Variants in KIAA1217 observed in about 807,000 individuals in gnomAD.
KIAA1217 encodes the protein sickle tail protein homolog.
In KIAA1217, 88 loss-of-function variants were observed where a neutral mutation model predicts 163.9. That is an observed-to-expected ratio of 0.54 (90% CI 0.45 to 0.64). The LOEUF is 0.64. KIAA1217 is among the 30% of genes least tolerant of loss of function. The probability of loss-of-function intolerance (pLI) is 0.00; values close to 1 mark genes in which losing one functional copy is unlikely to be tolerated. For missense variants in KIAA1217, 2,372 were observed against 2,475.0 expected (o/e 0.96, Z 0.88); for synonymous variants, 903 against 923.1 (o/e 0.98, Z 0.39).
intron 8 of KIAA1217, among the ~76,000 whole-genome samples, chr10:24,500,703 A>G (rs1287519868): frequency 1.3e-5 from 2 of 152,234 alleles, no homozygotes; most frequent in Non-Finnish European, 2.9e-5. Context: ...AAATAGGCAC[A>G]TAAGCACTCT....
chr10:24,316,880 G>C (rs1384550298), intron 2 of KIAA1217, among the ~76,000 whole-genome samples: 1 of 152,164 alleles, frequency 6.6e-6, no homozygotes, highest in African/African-American at 2.4e-5. Flanking sequence ...TTTTCTGAAG[G>C]CTTTGAATGG....
intron 2 of KIAA1217, among the ~76,000 whole-genome samples, chr10:24,142,205 A>G (rs1239483161): frequency 6.6e-6 from 1 of 152,222 alleles, no homozygotes; most frequent in Non-Finnish European, 1.5e-5. Flanking sequence ...TTACAATTGA[A>G]AAAAAGTGGA....
intron 2 of KIAA1217, among the ~76,000 whole-genome samples, chr10:24,335,665 A>G (rs1040194883): frequency 5.3e-5 from 8 of 149,932 alleles, no homozygotes; most frequent in Admixed American, 1.3e-4. Context: ...GCTGGAGTGC[A>G]GTGGCAAGAT....
In KIAA1217 at chr10:24,032,848, T is replaced by G. The variant is rs183719510; in HGVS notation, c.-171+25474T>G. On this transcript the variant is annotated intron_variant, in intron 2 of 18. Transcript: ENST00000376462. ...AAATAGCTTATTTTTACCTCAGGAT[T>G]CTACTCTCAAATATAAAATTTTAAC... Among the ~76,000 whole-genome samples, 193 of 152,294 alleles carry G rather than the reference T, an allele frequency of 1.3e-3. 3 individuals are homozygous for G. The Middle Eastern group carries it at 0.014, about 11-fold the overall frequency.
At chr10:23,894,243 A>G (rs1172430343) in intron 1 of KIAA1217, among the ~76,000 whole-genome samples, 4 of 151,650 alleles carry the variant, frequency 2.6e-5, no homozygotes, top group African/African-American at 4.8e-5. Flanking sequence ...AGAAAACCCC[A>G]TTGTCTCAGC....
chr10:24,080,064 T>C (rs2061490582), intron 2 of KIAA1217, among the ~76,000 whole-genome samples: 1 of 152,244 alleles, frequency 6.6e-6, no homozygotes, highest in African/African-American at 2.4e-5. Flanking sequence ...TCTTCCGGCC[T>C]GTGTCCTGTG....
intron 1 of KIAA1217, among the ~76,000 whole-genome samples, chr10:23,701,042 A>G (rs1836417216): frequency 6.6e-6 from 1 of 152,248 alleles, no homozygotes; most frequent in Admixed American, 6.5e-5. Flanking sequence ...CCTATATCAT[A>G]GAGTCTTGTT....
At chr10:24,532,035 G>C in intron 15 of KIAA1217, 42 bp downstream of exon 15, 1 of 1,439,716 alleles carries the variant, frequency 6.9e-7, no homozygotes. Flanking sequence ...TCTGGGTTCA[G>C]ATGATACCCT....
At chr10:24,468,959 G>T (rs1194862076) in intron 5 of KIAA1217, among the ~76,000 whole-genome samples, 6 of 152,020 alleles carry the variant, frequency 3.9e-5, no homozygotes, top group Admixed American at 3.3e-4. Flanking sequence ...TTTTTTGCAT[G>T]TCACCAAGCA....
In KIAA1217 at chr10:24,046,786, T is replaced by C. The variant is rs111464234; in HGVS notation, c.-171+39412T>C. ...AGAGTTTTGAGTTATTTTCCCAAGA[T>C]GATGCAGACAATAAGAAGTAGAGCC... On this transcript the variant is annotated intron_variant, in intron 2 of 18. Coordinates refer to the KIAA1217 transcript ENST00000376462. Among the ~76,000 whole-genome samples, 639 of 152,326 alleles carry C rather than the reference T, an allele frequency of 4.2e-3. 4 individuals carry two copies. Among genetic ancestry groups the C allele is most frequent in the African/African-American group, 0.013 (555 of 41,576 alleles).
chr10:24,117,407 G>C (rs1053022330), intron 2 of KIAA1217, among the ~76,000 whole-genome samples: 5 of 152,078 alleles, frequency 3.3e-5, no homozygotes, highest in Non-Finnish European at 5.9e-5. Flanking sequence ...TGGAGAGTCA[G>C]TGTGGGAGGA....
At chr10:24,048,790 T>C (rs1849253232) in intron 2 of KIAA1217, among the ~76,000 whole-genome samples, 1 of 151,414 alleles carries the variant, frequency 6.6e-6, no homozygotes. Context: ...CCCAGCACTT[T>C]GGGCGGCCGA....
chr10:23,794,538 G>A (rs1482113552), intron 1 of KIAA1217, among the ~76,000 whole-genome samples: 1 of 152,194 alleles, frequency 6.6e-6, no homozygotes, highest in African/African-American at 2.4e-5. Flanking sequence ...CAAAATTGCA[G>A]TTATCTCTTT....
intron 2 of KIAA1217, among the ~76,000 whole-genome samples, chr10:24,301,641 T>C (rs551957174): frequency 6.6e-5 from 10 of 152,332 alleles, no homozygotes; most frequent in African/African-American, 2.2e-4. Context: ...TTTTCCTTTT[T>C]CTGGATTCCA....
At chr10:23,711,324 A>T (rs895729222) in intron 1 of KIAA1217, among the ~76,000 whole-genome samples, 1 of 152,170 alleles carries the variant, frequency 6.6e-6, no homozygotes, top group African/African-American at 2.4e-5. Context: ...AATGCCTTTG[A>T]TTATCTAGGT....
rs78374720 is a variant in KIAA1217, at chr10:24,546,078, G to T, written c.5586G>T (p.Leu1862Phe). ...SLIPSVSNGS[L>F]KFQSLTHTGK... Reference sequence around the variant, plus strand: ...TCCCTTCTGTCTCTAATGGCTCTTTGAAGTTTCAGAGCCTCACTCATACAG... The same window carrying T: ...TCCCTTCTGTCTCTAATGGCTCTTTTAAGTTTCAGAGCCTCACTCATACAG... Residue 1862 changes from leucine (L) to phenylalanine (F), a missense_variant, in exon 21 of 21, where the codon TTG becomes TTT. By Grantham distance (22) the Leu-to-Phe change is conservative (BLOSUM62 0). Coordinates refer to ENST00000376454, the MANE Select transcript of KIAA1217 (RefSeq NM_019590.5). 6.2e-7 allele frequency: 1 copy of T among 1,614,144 alleles called. No homozygotes were observed. The highest frequency in any genetic ancestry group is 1.1e-5 in the South Asian group (1 of 91,080).
In KIAA1217 at chr10:24,121,126, T is replaced by A. The variant is rs185184030; in HGVS notation, c.-170-98500T>A. On this transcript the variant is annotated intron_variant, in intron 2 of 18. Transcript: ENST00000376462. ...TTGTTGTTTCTTTCATTCAGCTGTC[T>A]AGCTTCCAAGGCTGTGGGTTGTCCA... Among the ~76,000 whole-genome samples the A allele has an allele frequency of 9.2e-5, 14 of 152,348 alleles. No homozygotes were observed. In the East Asian group the frequency reaches 2.1e-3, roughly 23 times the overall value.
chr10:24,401,683 T>A (rs2056544098), intron 3 of KIAA1217, among the ~76,000 whole-genome samples: 1 of 152,164 alleles, frequency 6.6e-6, no homozygotes, highest in Non-Finnish European at 1.5e-5. Flanking sequence ...GAGTGTCTGA[T>A]CTTACCACTC....
At chr10:24,100,166 C>T (rs2062354626) in intron 2 of KIAA1217, among the ~76,000 whole-genome samples, 1 of 151,794 alleles carries the variant, frequency 6.6e-6, no homozygotes, top group Non-Finnish European at 1.5e-5. Context: ...TTCATCACTC[C>T]ACCAAGAAAC....
Sources: allele counts gnomAD v4.1 joint callset (sites outside exome capture counted in the v4.1 genomes callset), GRCh38; gene constraint gnomAD v4.1.1; transcripts MANE v1.5; gene names NCBI Gene and HGNC (gene_info 2026-07-23, HGNC 2026-07-21).